Variants in LHFPL3 observed in about 807,000 individuals in gnomAD.
LHFPL3 encodes LHFPL tetraspan subfamily member 3, also known as LHFPL tetraspan subfamily member 3 protein.
Under a neutral mutation model 19.3 loss-of-function variants are expected in LHFPL3, and 5 were observed. The observed-to-expected ratio is 0.26, with a 90% CI of 0.14 to 0.54. The LOEUF (loss-of-function observed/expected upper bound fraction) is 0.54, where lower values mean the gene tolerates loss of function less well. Among genes scored for constraint, LHFPL3 ranks in the 20% least tolerant of loss-of-function variants. The pLI is 0.94. For missense variants in LHFPL3, 249 were observed against 307.4 expected, an observed-to-expected ratio of 0.81 and a Z score of 1.42; for synonymous variants, 133 against 126.2, an observed-to-expected ratio of 1.05 and a Z score of -0.36.
intron 1 of LHFPL3, among the ~76,000 whole-genome samples, chr7:104,457,166 T>C (rs1387073365): frequency 6.6e-6 from 1 of 152,112 alleles, no homozygotes; most frequent in Non-Finnish European, 1.5e-5. Context: ...ATGTGCACAA[T>C]GTGCAGGTTA....
chr7:104,722,196 C>T (rs548845156), intron 1 of LHFPL3, among the ~76,000 whole-genome samples: 2 of 152,172 alleles, frequency 1.3e-5, no homozygotes, highest in South Asian at 2.1e-4. Flanking sequence ...CAGGTGTGGA[C>T]GGACTCCAGA....
At chr7:104,666,367 ACT>A (rs899815875) in intron 1 of LHFPL3, among the ~76,000 whole-genome samples, 3 of 150,334 alleles carry the variant, frequency 2.0e-5, no homozygotes, top group African/African-American at 7.4e-5. Flanking sequence ...CTATTATTCC[ACT>A]CTCTATCTCT....
chr7:104,439,555 A>G (rs1474737241), intron 1 of LHFPL3, among the ~76,000 whole-genome samples: 1 of 152,112 alleles, frequency 6.6e-6, no homozygotes, highest in Non-Finnish European at 1.5e-5. Flanking sequence ...TGATTATCTC[A>G]TTACATGCCA....
intron 2 of LHFPL3, among the ~76,000 whole-genome samples, chr7:104,788,519 C>A (rs146457095): frequency 6.6e-6 from 1 of 152,264 alleles, no homozygotes; most frequent in Non-Finnish European, 1.5e-5. Context: ...TATGTAGTGG[C>A]CTATTTCATG....
chr7:104,736,878 T>A lies in LHFPL3; in HGVS notation c.649T>A (p.Leu217Met). The change falls in exon 2 of 3, where the codon TTG becomes ATG. Residue 217 changes from leucine (L) to methionine (M), a missense_variant. Transcript: ENST00000424859. ...AFVLGNRQDS[L>M]MAEELKAENK... ...TGTGCTTGGTAATCGACAAGACAGC[T>A]TGATGGCAGAGGAACTGAAGGCAGA... 1 of 1,610,000 alleles carries A rather than the reference T, an allele frequency of 6.2e-7. No individual in the cohort carries two copies. The highest frequency in any genetic ancestry group is 1.1e-5 in the South Asian group (1 of 90,102).
chr7:104,345,227 G>A (rs2116375619), intron 1 of LHFPL3, among the ~76,000 whole-genome samples: 1 of 152,260 alleles, frequency 6.6e-6, no homozygotes, highest in South Asian at 2.1e-4. Flanking sequence ...ACATAATAGT[G>A]TAAGGGTTGC....
chr7:104,702,707 G>C lies in LHFPL3; in HGVS notation c.446-33968G>C, dbSNP rs79857360. Among the ~76,000 whole-genome samples, 49 of 152,254 alleles carry C rather than the reference G, an allele frequency of 3.2e-4. No individual in the cohort carries two copies. The East Asian group carries it at 9.3e-3, about 29-fold the overall frequency. On this transcript the variant is annotated intron_variant, in intron 1 of 2. Transcript: ENST00000424859. ...GGCATTAGGCACTTGGAGGAGAATG[G>C]GGCAATGGCTCCACATAGACACCTT... is the stretch of plus-strand genomic sequence containing the variant.
In LHFPL3 at chr7:104,587,900, C is replaced by T. The variant is rs558951880; in HGVS notation, c.446-148775C>T. Among the ~76,000 whole-genome samples the T allele has an allele frequency of 1.6e-3, 248 of 152,206 alleles. 1 individual carries two copies. In the East Asian group the frequency reaches 0.026, roughly 16 times the overall value. ...GATGAGCATTTTTTCACATGTCTTTCGGCTGCATAAATCTCTTCTTTTGAG... is the reference window on the plus strand; with the variant it reads ...GATGAGCATTTTTTCACATGTCTTTTGGCTGCATAAATCTCTTCTTTTGAG... On this transcript the variant is annotated intron_variant, in intron 1 of 2. Coordinates refer to ENST00000424859, the MANE Select transcript of LHFPL3 (RefSeq NM_199000.3).
intron 1 of LHFPL3, among the ~76,000 whole-genome samples, chr7:104,430,652 T>G (rs922878238): frequency 8.0e-5 from 12 of 149,830 alleles, no homozygotes; most frequent in Non-Finnish European, 1.2e-4. Flanking sequence ...GTATTTTTAG[T>G]AGAGACGGGA....
chr7:104,771,220 G>A (rs1794544705), intron 2 of LHFPL3, among the ~76,000 whole-genome samples: 1 of 152,142 alleles, frequency 6.6e-6, no homozygotes. Flanking sequence ...ATTAGAATAA[G>A]AACAGACACC....
At chr7:104,561,388 T>G (rs1431269483) in intron 1 of LHFPL3, among the ~76,000 whole-genome samples, 3 of 150,544 alleles carry the variant, frequency 2.0e-5, no homozygotes, top group Admixed American at 6.6e-5. Flanking sequence ...CATATATATT[T>G]AGGATAGTTA....
At chr7:104,338,970 G>A (rs986454126) in intron 1 of LHFPL3, among the ~76,000 whole-genome samples, 4 of 152,070 alleles carry the variant, frequency 2.6e-5, no homozygotes, top group Admixed American at 2.0e-4. Context: ...AATAATGGCC[G>A]GGCATGGTGG....
At chr7:104,615,771 C>T (rs371622203) in intron 1 of LHFPL3, among the ~76,000 whole-genome samples, 3 of 151,594 alleles carry the variant, frequency 2.0e-5, no homozygotes, top group Non-Finnish European at 2.9e-5. Context: ...TGAGAACATG[C>T]GGTGTTTGGT....
chr7:104,331,018 C>G (rs1256891160), intron 1 of LHFPL3, among the ~76,000 whole-genome samples: 1 of 152,222 alleles, frequency 6.6e-6, no homozygotes, highest in Non-Finnish European at 1.5e-5. Context: ...CAGGTGCTTT[C>G]TCAACAACGT....
Position 104,883,878 on chromosome 7 carries a change from G to C in LHFPL3, c.683-22309G>C, listed in dbSNP as rs148612646. The stretch of plus-strand genomic sequence containing the variant: ...GGCACCAAAGCAGCCCATCCCAGAG[G>C]AAAGCGTGGGCCTCTGAGCCATTGA... On this transcript the variant is annotated intron_variant, in intron 2 of 2. Coordinates refer to ENST00000424859, the MANE Select transcript of LHFPL3 (RefSeq NM_199000.3). 1.5e-3 allele frequency among the ~76,000 whole-genome samples: 231 copies of C among 152,262 alleles called. 2 individuals carry two copies. Among genetic ancestry groups the C allele is most frequent in the African/African-American group, 5.4e-3 (224 of 41,544 alleles).
intron 2 of LHFPL3, among the ~76,000 whole-genome samples, chr7:104,892,030 G>GTGTTCT (rs1193105043): frequency 1.3e-5 from 2 of 152,230 alleles, no homozygotes; most frequent in African/African-American, 4.8e-5. Flanking sequence ...CCTTATGAAA[G>GTGTTCT]TGTTCTTCTT....
At chr7:104,755,548 T>C (rs931364258) in intron 2 of LHFPL3, among the ~76,000 whole-genome samples, 1 of 151,374 alleles carries the variant, frequency 6.6e-6, no homozygotes, top group Admixed American at 6.6e-5. Flanking sequence ...TCTCTCTCTC[T>C]GTCTCTCTTT....
chr7:104,584,913 G>A (rs1445768666), intron 1 of LHFPL3, among the ~76,000 whole-genome samples: 1 of 152,162 alleles, frequency 6.6e-6, no homozygotes, highest in Non-Finnish European at 1.5e-5. Context: ...CTGAAATCCA[G>A]GATAGGCAGC....
intron 2 of LHFPL3, among the ~76,000 whole-genome samples, chr7:104,881,917 C>T (rs548446422): frequency 3.9e-5 from 6 of 152,228 alleles, no homozygotes; most frequent in Admixed American, 2.6e-4. Context: ...AGCAAAAATT[C>T]GTTCATTAAT....
Sources: gnomAD v4.1 joint callset for allele counts (sites outside exome capture counted in the v4.1 genomes callset) on GRCh38, gnomAD v4.1.1 for gene constraint, MANE v1.5 for transcripts, NCBI Gene and HGNC (gene_info 2026-07-23, HGNC 2026-07-21) for gene names.